The following CBL variants were observed in gnomAD, a reference collection of about 807,000 sequenced individuals.
CBL encodes the protein Cbl proto-oncogene, also known as E3 ubiquitin-protein ligase CBL.
Under a neutral mutation model 96.9 loss-of-function variants are expected in CBL, and 45 were observed. The observed-to-expected ratio is 0.46, with a 90% confidence interval of 0.37 to 0.60. The LOEUF is 0.60. Ranked by LOEUF, CBL falls within the 20% of genes least tolerant of loss-of-function variation. CBL has a pLI of 0.00. For synonymous variants in CBL, 420 were observed against 426.8 expected (o/e 0.98, Z 0.20); for missense variants, 1,024 against 1,143.5 (o/e 0.90, Z 1.51).
At chr11:119,231,367 A>G (rs956907691) in intron 1 of CBL, among the ~76,000 whole-genome samples, 2 of 152,136 alleles carry the variant, frequency 1.3e-5, no homozygotes, top group Non-Finnish European at 2.9e-5. Context: ...AGATTGCACC[A>G]TTGCACTCTA....
chr11:119,211,732 G>C (rs1949320634), intron 1 of CBL, among the ~76,000 whole-genome samples: 1 of 151,914 alleles, frequency 6.6e-6, no homozygotes, highest in African/African-American at 2.4e-5. Context: ...TCGAACTCCT[G>C]ACCTCAAGTG....
chr11:119,213,647 T>A (rs2135250208), intron 1 of CBL, among the ~76,000 whole-genome samples: 1 of 152,312 alleles, frequency 6.6e-6, no homozygotes, highest in South Asian at 2.1e-4. Flanking sequence ...TATTTATTTT[T>A]TAGTACACTT....
intron 1 of CBL, among the ~76,000 whole-genome samples, chr11:119,213,952 C>CT (rs201462035): frequency 0.022 from 3,261 of 148,688 alleles, 124 homozygotes; most frequent in African/African-American, 0.076. Flanking sequence ...CTTTTCTTTT[C>CT]TTTTTTTTTG....
At chr11:119,297,361 A>T in intron 13 of CBL, 23 bp from the exon 14 acceptor site, 2 of 1,548,964 alleles carry the variant, frequency 1.3e-6, no homozygotes, top group Non-Finnish European at 1.8e-6. Context: ...AAAGATCATT[A>T]TGGCACTTTC....
chr11:119,259,921 A>G (rs771790892), intron 2 of CBL, among the ~76,000 whole-genome samples: 1 of 151,826 alleles, frequency 6.6e-6, no homozygotes, highest in African/African-American at 2.4e-5. Context: ...TTACCTCCAC[A>G]CTCTTCTCAA....
At chr11:119,257,899 A>G (rs1443815752) in intron 2 of CBL, among the ~76,000 whole-genome samples, 2 of 152,044 alleles carry the variant, frequency 1.3e-5, no homozygotes, top group African/African-American at 4.8e-5. Flanking sequence ...ATTCTGTTCC[A>G]TTGGTGTATT....
chr11:119,267,890 G>T (rs758918953), intron 2 of CBL, among the ~76,000 whole-genome samples: 8 of 152,324 alleles, frequency 5.3e-5, no homozygotes, highest in Non-Finnish European at 1.2e-4. Flanking sequence ...TAAGAGAACT[G>T]CAGAGAAAAC....
intron 1 of CBL, among the ~76,000 whole-genome samples, chr11:119,213,863 C>A (rs1413943526): frequency 6.6e-6 from 1 of 152,134 alleles, no homozygotes; most frequent in African/African-American, 2.4e-5. Flanking sequence ...CAAGCCACTG[C>A]ACCCAACTAG....
chr11:119,283,621 C>CTTTTTTTTTT (rs1410071154), intron 9 of CBL, among the ~76,000 whole-genome samples: 1 of 36,492 alleles, frequency 2.7e-5, no homozygotes, highest in Non-Finnish European at 6.1e-5. Context: ...CTTTTTAATT[C>CTTTTTTTTTT]TTTCTTTTTT....
chr11:119,269,248 T>C (rs976588358), intron 2 of CBL, among the ~76,000 whole-genome samples: 4 of 65,366 alleles, frequency 6.1e-5, no homozygotes, highest in African/African-American at 2.6e-4. Flanking sequence ...GATAAGTGCT[T>C]TTTTTTTTTT....
intron 2 of CBL, among the ~76,000 whole-genome samples, chr11:119,241,425 G>A (rs890500464): frequency 1.3e-4 from 20 of 152,134 alleles, no homozygotes; most frequent in African/African-American, 4.3e-4. Flanking sequence ...GGTAGGAAAA[G>A]GAAAAAAAAT....
chr11:119,286,628 AT>A, intron 11 of CBL, among the ~76,000 whole-genome samples: 1 of 152,324 alleles, frequency 6.6e-6, no homozygotes, highest in South Asian at 2.1e-4. Flanking sequence ...GGAAAGGAAC[AT>A]CACACTAGAT....
chr11:119,240,068 G>A (rs1236489932), intron 2 of CBL, among the ~76,000 whole-genome samples: 1 of 152,144 alleles, frequency 6.6e-6, no homozygotes, highest in African/African-American at 2.4e-5. Flanking sequence ...GAGGTGGGCA[G>A]ATCACTTGAG....
rs186434731 is a variant in CBL at position 119,289,357 on chromosome 11, A to G, written c.2036+1411A>G. ...TTTGTGTTATCTGTATATTTAGCCT[A>G]TGTAATTGGGGTACATAGAAATTTA... is the stretch of plus-strand genomic sequence containing the variant. On this transcript the variant is annotated intron_variant, in intron 12 of 15. Coordinates refer to ENST00000264033, the MANE Select transcript of CBL (RefSeq NM_005188.4). Among the ~76,000 whole-genome samples the G allele has an allele frequency of 3.0e-3, 464 of 152,186 alleles. 3 individuals are homozygous for G. Among genetic ancestry groups the G allele is most frequent in the African/African-American group, 0.01 (434 of 41,520 alleles).
chr11:119,290,170 C>T (rs966317705), intron 12 of CBL, among the ~76,000 whole-genome samples: 1 of 151,982 alleles, frequency 6.6e-6, no homozygotes, highest in Non-Finnish European at 1.5e-5. Context: ...CTCAGCCTCC[C>T]GAGTAGCTGG....
At chr11:119,248,378 T>G (rs1029602849) in intron 2 of CBL, among the ~76,000 whole-genome samples, 2 of 152,186 alleles carry the variant, frequency 1.3e-5, no homozygotes, top group Non-Finnish European at 2.9e-5. Flanking sequence ...ACAACAGTCT[T>G]TTCAACAAAT....
intron 1 of CBL, among the ~76,000 whole-genome samples, chr11:119,223,561 C>G (rs1592373239): frequency 6.6e-6 from 1 of 151,594 alleles, no homozygotes; most frequent in Non-Finnish European, 1.5e-5. Flanking sequence ...TCCCAAGTAG[C>G]TGGGACTACA....
chr11:119,243,596 T>C (rs1459869448), intron 2 of CBL, among the ~76,000 whole-genome samples: 1 of 151,624 alleles, frequency 6.6e-6, no homozygotes, highest in Non-Finnish European at 1.5e-5. Context: ...TGTTTAATAA[T>C]ATTCCATTTT....
rs545585432 is a variant in CBL at position 119,231,131 on chromosome 11, G to A, written c.196-1317G>A. On this transcript the variant is annotated intron_variant, in intron 1 of 15. Transcript: ENST00000264033. Reference sequence around the variant, plus strand: ...AAAACTCAAACCCCAGGTTGGGTGCGGTGGCTCATGCCTGTAATCCCAGCA... The same window carrying A: ...AAAACTCAAACCCCAGGTTGGGTGCAGTGGCTCATGCCTGTAATCCCAGCA... Among the ~76,000 whole-genome samples the A allele has an allele frequency of 7.7e-4, 117 of 152,228 alleles. 1 individual carries two copies. The highest frequency in any genetic ancestry group is 2.7e-3 in the African/African-American group (112 of 41,548).
Sources: gnomAD v4.1 joint callset for allele counts (sites outside exome capture counted in the v4.1 genomes callset) on GRCh38, gnomAD v4.1.1 for gene constraint, MANE v1.5 for transcripts, NCBI Gene and HGNC (gene_info 2026-07-23, HGNC 2026-07-21) for gene names.